Variants in CCDC192 observed in about 807,000 individuals in gnomAD.
CCDC192 encodes coiled-coil domain containing 192.
chr5:127,769,082 T>G (rs556334920), intron 3 of CCDC192, among the ~76,000 whole-genome samples: 12 of 152,248 alleles, frequency 7.9e-5, no homozygotes, highest in African/African-American at 1.2e-4. Context: ...GGAGAACTAT[T>G]CTGCAATATT....
chr5:127,808,952 G>A lies in CCDC192; in HGVS notation c.411+10790G>A, dbSNP rs544867639. On this transcript the variant is annotated intron_variant, in intron 5 of 6. Coordinates refer to ENST00000514853, the MANE Select transcript of CCDC192 (RefSeq NM_001317938.2). ...ATTTTTAAAAATGAGCAAAGTAACA[G>A]CAGTTAAGTGTGTCTCTCTATAGCA... 2.0e-5 allele frequency among the ~76,000 whole-genome samples: 3 copies of A among 152,236 alleles called. No individual in the cohort carries two copies. In the South Asian group the frequency reaches 6.2e-4, roughly 32 times the overall value.
chr5:127,785,054 G>C (rs1161943609), intron 3 of CCDC192: 1 of 497,250 alleles, frequency 2.0e-6, no homozygotes, highest in Non-Finnish European at 4.1e-6. Context: ...ATTTTAATTT[G>C]AGTGCAATCA....
rs569058982 is a variant in CCDC192, at chr5:127,767,871, G to A, written c.222+13496G>A. On this transcript the variant is annotated intron_variant, in intron 3 of 6. Coordinates refer to ENST00000514853, the MANE Select transcript of CCDC192 (RefSeq NM_001317938.2). ...GTGTTATGGATTAAATCGTATGTCA[G>A]CCCCGCAATTAATTTGTTGAAGTTC... Among the ~76,000 whole-genome samples, 15 of 152,198 alleles carry A rather than the reference G, an allele frequency of 9.9e-5. No individual in the cohort carries two copies. The South Asian group carries it at 3.1e-3, about 32-fold the overall frequency.
rs957435061 is a variant in CCDC192, at chr5:127,879,208, A to C, written c.535+3547A>C. Among the ~76,000 whole-genome samples, 39 of 152,120 alleles carry C rather than the reference A, an allele frequency of 2.6e-4. No homozygotes were observed. In the East Asian group the frequency reaches 6.2e-3, roughly 24 times the overall value. The stretch of plus-strand genomic sequence containing the variant: ...ACTATACTACAAGGCTACAGTAACC[A>C]AAACAGCATGGTACTGGTACCAAAA... On this transcript the variant is annotated intron_variant, in intron 6 of 6. Coordinates refer to ENST00000514853, the MANE Select transcript of CCDC192 (RefSeq NM_001317938.2).
At chr5:127,753,555 G>A (rs1356798034) in intron 2 of CCDC192, among the ~76,000 whole-genome samples, 1 of 152,108 alleles carries the variant, frequency 6.6e-6, no homozygotes, top group Non-Finnish European at 1.5e-5. Flanking sequence ...AATTATCCAG[G>A]CATGGTGGCG....
chr5:127,804,200 C>T (rs1757659535), intron 5 of CCDC192, among the ~76,000 whole-genome samples: 1 of 152,244 alleles, frequency 6.6e-6, no homozygotes, highest in Admixed American at 6.5e-5. Flanking sequence ...TAACAGAGGA[C>T]ATGGCCTGTT....
intron 2 of CCDC192, among the ~76,000 whole-genome samples, chr5:127,721,981 G>A (rs932548790): frequency 2.0e-5 from 3 of 152,268 alleles, no homozygotes; most frequent in Non-Finnish European, 2.9e-5. Context: ...CAACACTGGG[G>A]GTTACAATTC....
chr5:127,741,223 G>A (rs1363416758), intron 2 of CCDC192, among the ~76,000 whole-genome samples: 2 of 151,908 alleles, frequency 1.3e-5, no homozygotes, highest in East Asian at 1.9e-4. Context: ...ACCACCACCT[G>A]CTAATTATTT....
At chr5:127,813,436 T>G (rs986385107) in intron 5 of CCDC192, among the ~76,000 whole-genome samples, 1 of 152,312 alleles carries the variant, frequency 6.6e-6, no homozygotes, top group Non-Finnish European at 1.5e-5. Context: ...AGCTTTAAAT[T>G]TTATTTAAAA....
intron 6 of CCDC192, among the ~76,000 whole-genome samples, chr5:127,936,770 T>A (rs1358938206): frequency 6.6e-6 from 1 of 152,160 alleles, no homozygotes; most frequent in Non-Finnish European, 1.5e-5. Flanking sequence ...GCTGAGAAAA[T>A]CTGGTCAGAT....
chr5:127,770,675 A>C (rs141531702), intron 3 of CCDC192, among the ~76,000 whole-genome samples: 1,843 of 152,364 alleles, frequency 0.012, 21 homozygotes, highest in Non-Finnish European at 0.02. Context: ...GATCTGATCC[A>C]GGAGCGAATG....
At chr5:127,733,153 T>C (rs1316827763) in intron 2 of CCDC192, among the ~76,000 whole-genome samples, 7 of 152,182 alleles carry the variant, frequency 4.6e-5, no homozygotes, top group Non-Finnish European at 1.0e-4. Context: ...TATGCATAAC[T>C]ATGTGCATTT....
At chr5:127,939,228 G>T (rs960919169) in intron 6 of CCDC192, among the ~76,000 whole-genome samples, 3 of 141,164 alleles carry the variant, frequency 2.1e-5, no homozygotes, top group African/African-American at 8.0e-5. Flanking sequence ...AGTGATTCTC[G>T]AGCCTCAGCC....
intron 6 of CCDC192, among the ~76,000 whole-genome samples, chr5:127,898,019 C>T (rs1561544094): frequency 1.3e-5 from 2 of 151,742 alleles, no homozygotes; most frequent in Non-Finnish European, 2.9e-5. Context: ...TTAAGAACTG[C>T]TTAGCTTAAA....
intron 3 of CCDC192, among the ~76,000 whole-genome samples, chr5:127,754,614 C>CT (rs1754471774): frequency 6.6e-6 from 1 of 151,756 alleles, no homozygotes; most frequent in Non-Finnish European, 1.5e-5. Context: ...GCGTTTAAAA[C>CT]TTTTTTCATC....
chr5:127,893,510 C>T (rs982042008), intron 6 of CCDC192, among the ~76,000 whole-genome samples: 3 of 152,064 alleles, frequency 2.0e-5, no homozygotes, highest in African/African-American at 2.4e-5. Flanking sequence ...ATCTCCAGTC[C>T]GTAGACCTCT....
chr5:127,923,486 T>C (rs1753784305), intron 6 of CCDC192, among the ~76,000 whole-genome samples: 1 of 151,830 alleles, frequency 6.6e-6, no homozygotes, highest in Admixed American at 6.6e-5. Context: ...CACGCCATTC[T>C]CCTGCCTCAG....
intron 6 of CCDC192, among the ~76,000 whole-genome samples, chr5:127,931,384 C>A (rs1200442543): frequency 6.6e-6 from 1 of 152,124 alleles, no homozygotes; most frequent in Non-Finnish European, 1.5e-5. Context: ...GGGATGTAAG[C>A]TAATTAAAGC....
intron 5 of CCDC192, among the ~76,000 whole-genome samples, chr5:127,805,823 C>T (rs1056481448): frequency 2.0e-5 from 3 of 152,190 alleles, no homozygotes; most frequent in Non-Finnish European, 4.4e-5. Flanking sequence ...TATTTAGCCC[C>T]TCATTTTAAC....
Sources: gnomAD v4.1 joint callset for allele counts (sites outside exome capture counted in the v4.1 genomes callset) on GRCh38, gnomAD v4.1.1 for gene constraint, MANE v1.5 for transcripts, NCBI Gene and HGNC (gene_info 2026-07-23, HGNC 2026-07-21) for gene names.